PCCA: variants seen among roughly 807,000 people sequenced by gnomAD.
The protein encoded by PCCA is propionyl-CoA carboxylase subunit alpha.
A neutral mutation model predicts 101.3 loss-of-function variants in PCCA; 74 were observed. The observed-to-expected ratio is 0.73, with a 90% CI of 0.61 to 0.89. The LOEUF is 0.89. PCCA is among the 40% of genes least tolerant of loss of function. The pLI, the probability that PCCA is intolerant of heterozygous loss-of-function variation, is 0.00. For synonymous variants in PCCA, 294 were observed against 313.6 expected (o/e 0.94, Z 0.66); for missense variants, 891 against 907.0 (o/e 0.98, Z 0.23).
At chr13:100,527,357 C>T (rs1479554798) in intron 22 of PCCA, 1 of 499,138 alleles carries the variant, frequency 2.0e-6, no homozygotes, top group South Asian at 1.5e-5. Context: ...AAGTGGAAAA[C>T]ATTCCAATTT....
At chr13:100,137,431 G>T (rs2051316270) in intron 4 of PCCA, among the ~76,000 whole-genome samples, 3 of 152,074 alleles carry the variant, frequency 2.0e-5, no homozygotes, top group Admixed American at 2.0e-4. Flanking sequence ...TCTTTCTTTT[G>T]AGAGTCTTGA....
At chr13:100,513,508 T>C (rs2086627360) in intron 21 of PCCA, among the ~76,000 whole-genome samples, 1 of 152,198 alleles carries the variant, frequency 6.6e-6, no homozygotes, top group African/African-American at 2.4e-5. Context: ...ATGAAAATTA[T>C]AAAAATAGTA....
At chr13:100,221,180 G>A (rs2059790559) in intron 7 of PCCA, among the ~76,000 whole-genome samples, 1 of 152,178 alleles carries the variant, frequency 6.6e-6, no homozygotes, top group Non-Finnish European at 1.5e-5. Flanking sequence ...CAGTATATTA[G>A]TAATATGGGA....
In PCCA at chr13:100,284,034, A is replaced by T. The variant is rs181176463; in HGVS notation, c.1065+10688A>T. Among the ~76,000 whole-genome samples, 749 of 152,268 alleles carry T rather than the reference A, an allele frequency of 4.9e-3. 8 individuals are homozygous for T. Among genetic ancestry groups the T allele is most frequent in the African/African-American group, 0.017 (720 of 41,558 alleles). ...TCATCACCCTCACTGAGCCCCCGGTATGTTTAACTATTGAGGGCCAGGAAA... is the reference window on the plus strand; with the variant it reads ...TCATCACCCTCACTGAGCCCCCGGTTTGTTTAACTATTGAGGGCCAGGAAA... On this transcript the variant is annotated intron_variant, in intron 12 of 23. Coordinates refer to ENST00000376285, the MANE Select transcript of PCCA (RefSeq NM_000282.4).
chr13:100,389,851 A>G (rs1044342624), intron 19 of PCCA, among the ~76,000 whole-genome samples: 1 of 152,130 alleles, frequency 6.6e-6, no homozygotes, highest in Non-Finnish European at 1.5e-5. Context: ...CCAGCCCTGA[A>G]CCTGGTCTGG....
chr13:100,404,157 C>T (rs2077534370), intron 19 of PCCA, among the ~76,000 whole-genome samples: 1 of 152,106 alleles, frequency 6.6e-6, no homozygotes, highest in South Asian at 2.1e-4. Flanking sequence ...ACAGACAAAC[C>T]GGGTTGTTAG....
chr13:100,426,872 T>A (rs1324625219), intron 20 of PCCA, among the ~76,000 whole-genome samples: 1 of 152,154 alleles, frequency 6.6e-6, no homozygotes, highest in Non-Finnish European at 1.5e-5. Flanking sequence ...TTGAAAAAAA[T>A]ATCACTACAT....
intron 7 of PCCA, among the ~76,000 whole-genome samples, chr13:100,219,472 G>T (rs908382733): frequency 6.6e-6 from 1 of 152,114 alleles, no homozygotes; most frequent in African/African-American, 2.4e-5. Context: ...AGTGAATGTA[G>T]TGTCTCCTAG....
At chr13:100,190,790 C>T (rs770939756) in intron 6 of PCCA, among the ~76,000 whole-genome samples, 1 of 151,712 alleles carries the variant, frequency 6.6e-6, no homozygotes, top group Non-Finnish European at 1.5e-5. Flanking sequence ...AAGGAGACCC[C>T]ATCACTACAA....
chr13:100,344,563 A>C (rs1292207757), intron 18 of PCCA, among the ~76,000 whole-genome samples: 1 of 152,168 alleles, frequency 6.6e-6, no homozygotes, highest in Non-Finnish European at 1.5e-5. Flanking sequence ...ACAGTTTTAG[A>C]CTTCAACGGT....
intron 4 of PCCA, among the ~76,000 whole-genome samples, chr13:100,127,634 C>T (rs1163195805): frequency 2.6e-5 from 4 of 151,644 alleles, no homozygotes; most frequent in South Asian, 2.1e-4. Flanking sequence ...GGCTCACGCC[C>T]GTAATCCCAG....
chr13:100,381,367 C>T (rs1361888983), intron 19 of PCCA, among the ~76,000 whole-genome samples: 1 of 141,932 alleles, frequency 7.0e-6, no homozygotes, highest in Non-Finnish European at 1.5e-5. Flanking sequence ...CCAGCCTGGG[C>T]GATAGAGCGA....
chr13:100,454,928 A>G (rs189275136), intron 21 of PCCA, among the ~76,000 whole-genome samples: 2 of 152,238 alleles, frequency 1.3e-5, no homozygotes, highest in Admixed American at 6.5e-5. Context: ...ATGAAATATT[A>G]TACTTTACAT....
chr13:100,501,901 A>AAATAAATAAAT, intron 21 of PCCA, among the ~76,000 whole-genome samples: 1 of 148,706 alleles, frequency 6.7e-6, no homozygotes, highest in Non-Finnish European at 1.5e-5. Context: ...ATAAATAAAT[A>AAATAAATAAAT]AAATGCACCC....
intron 4 of PCCA, among the ~76,000 whole-genome samples, chr13:100,125,172 T>C (rs1461357739): frequency 6.8e-6 from 1 of 146,308 alleles, no homozygotes; most frequent in Non-Finnish European, 1.5e-5. Flanking sequence ...TACTTGAGAA[T>C]GTTATATTTC....
chr13:100,155,125 T>A, intron 5 of PCCA, 33 bp downstream of exon 5: 1 of 1,326,454 alleles, frequency 7.5e-7, no homozygotes, highest in South Asian at 1.2e-5. Context: ...ACTGCAGCTG[T>A]TTCATATGTA....
intron 11 of PCCA, among the ~76,000 whole-genome samples, chr13:100,272,833 A>G (rs1315975028): frequency 6.6e-6 from 1 of 152,198 alleles, no homozygotes; most frequent in South Asian, 2.1e-4. Flanking sequence ...TTGATTGTGT[A>G]TGTTAGATAC....
At chr13:100,373,297 G>T (rs1183971883) in intron 19 of PCCA, among the ~76,000 whole-genome samples, 1 of 152,060 alleles carries the variant, frequency 6.6e-6, no homozygotes, top group Non-Finnish European at 1.5e-5. Flanking sequence ...TACCGGTGAG[G>T]GTGTGGAGAA....
intron 7 of PCCA, among the ~76,000 whole-genome samples, chr13:100,216,265 G>A (rs561270870): frequency 7.2e-5 from 11 of 152,176 alleles, no homozygotes; most frequent in Non-Finnish European, 1.6e-4. Flanking sequence ...AATAACAAGC[G>A]CAAGATTGTT....
Sources: allele counts gnomAD v4.1 joint callset (sites outside exome capture counted in the v4.1 genomes callset), GRCh38; gene constraint gnomAD v4.1.1; transcripts MANE v1.5; gene names NCBI Gene and HGNC (gene_info 2026-07-23, HGNC 2026-07-21).